Variants in FADS2 observed in about 807,000 individuals in gnomAD.
FADS2 encodes fatty acid desaturase 2.
A neutral mutation model predicts 61.2 loss-of-function variants in FADS2; 18 were observed. The ratio of observed to expected loss-of-function variants is 0.29; its 90% CI spans 0.20 to 0.44. FADS2 has a LOEUF of 0.44. Ranked by LOEUF, FADS2 falls within the 20% of genes least tolerant of loss-of-function variation. FADS2 has a pLI of 1.00. For missense variants in FADS2, 322 were observed against 572.7 expected, an observed-to-expected ratio of 0.56 and a Z score of 4.47; for synonymous variants, 203 against 223.9, an observed-to-expected ratio of 0.91 and a Z score of 0.83.
chr11:61,834,060 G>A (rs568680205), intron 1 of FADS2, among the ~76,000 whole-genome samples: 2 of 152,360 alleles, frequency 1.3e-5, no homozygotes, highest in South Asian at 2.1e-4. Flanking sequence ...ATCTAACAGG[G>A]CAATGACCCA....
At chr11:61,826,175 G>A (rs1320451072), upstream of FADS2, 2 of 702,604 alleles carry the variant, frequency 2.8e-6, no homozygotes, top group South Asian at 3.0e-5. Flanking sequence ...TGAGGCTGCT[G>A]GGGCTTTTCT....
chr11:61,855,525 G>T (rs1319074561), intron 5 of FADS2: 1 of 152,286 alleles, frequency 6.6e-6, no homozygotes, highest in Non-Finnish European at 1.5e-5. Flanking sequence ...CTTAATAATA[G>T]TCTTCCTGCA....
intron 1 of FADS2, among the ~76,000 whole-genome samples, chr11:61,836,432 C>T (rs2067175954): frequency 6.6e-6 from 1 of 150,748 alleles, no homozygotes; most frequent in African/African-American, 2.4e-5. Flanking sequence ...CACTCTCTTG[C>T]CCAGGCTGGA....
chr11:61,858,232 C>A (rs556036770), intron 7 of FADS2, among the ~76,000 whole-genome samples: 2 of 138,560 alleles, frequency 1.4e-5, no homozygotes, highest in African/African-American at 5.0e-5. Context: ...GGCTGGAGTG[C>A]AGTGGTGTGA....
At chr11:61,820,920 A>T (rs1257458118) in intron 1 of FADS2, among the ~76,000 whole-genome samples, 4 of 152,102 alleles carry the variant, frequency 2.6e-5, no homozygotes, top group Non-Finnish European at 4.4e-5. Context: ...AATAAATAAA[A>T]AATTTGCTGA....
intron 7 of FADS2, among the ~76,000 whole-genome samples, chr11:61,859,293 G>A (rs1050745168): frequency 2.6e-5 from 4 of 152,136 alleles, no homozygotes; most frequent in African/African-American, 9.7e-5. Context: ...CCAACCTGAG[G>A]TGATCTGCCC....
At chr11:61,819,798 G>A (rs898684223) in intron 1 of FADS2, among the ~76,000 whole-genome samples, 4 of 152,058 alleles carry the variant, frequency 2.6e-5, no homozygotes, top group African/African-American at 9.7e-5. Flanking sequence ...CATGTGCCAT[G>A]TTGGTGTGCT....
chr11:61,838,927 C>T (rs1441229174), intron 2 of FADS2, among the ~76,000 whole-genome samples: 1 of 152,146 alleles, frequency 6.6e-6, no homozygotes, highest in Admixed American at 6.5e-5. Context: ...CTCCACTGCT[C>T]TCCCTTTCTG....
upstream of FADS2, chr11:61,826,394 C>T (rs1371411770): frequency 2.8e-6 from 2 of 702,270 alleles, no homozygotes; most frequent in African/African-American, 1.7e-5. Context: ...CCTTTTAGGG[C>T]CTGAACCTTC....
Position 61,816,480 on chromosome 11 carries a change from A to C in FADS2, c.141+54A>C, listed in dbSNP as rs1165567106. On this transcript the variant is annotated intron_variant, in intron 1 of 11. Coordinates refer to the FADS2 transcript ENST00000257261. The surrounding 1 kb of genome is among the most constrained non-coding windows in gnomAD (Gnocchi z 7.0). ...CCGAATTAGTCGGTGTTTGGCTCGG[A>C]GTGCGTAACTCTGTCTCCCCTGCAC... 2 of 1,601,302 alleles carry C rather than the reference A, an allele frequency of 1.2e-6. No homozygotes were observed. The highest frequency in any genetic ancestry group is 1.7e-6 in the Non-Finnish European group (2 of 1,179,004).
intron 4 of FADS2, among the ~76,000 whole-genome samples, chr11:61,845,405 A>G (rs2067248853): frequency 6.6e-6 from 1 of 152,184 alleles, no homozygotes; most frequent in Admixed American, 6.5e-5. Flanking sequence ...TTCTGGGAAC[A>G]CGGAGCTGGC....
chr11:61,852,778 C>G (rs145797394), intron 5 of FADS2, among the ~76,000 whole-genome samples: 1 of 152,064 alleles, frequency 6.6e-6, no homozygotes, highest in African/African-American at 2.4e-5. Context: ...TGTCCACTTA[C>G]GTCTCTTCGT....
chr11:61,842,521 A>G (rs183650205), intron 4 of FADS2, among the ~76,000 whole-genome samples: 7 of 152,308 alleles, frequency 4.6e-5, no homozygotes, highest in African/African-American at 1.2e-4. Context: ...AATTGCCCTC[A>G]GTCTTTGAGG....
chr11:61,846,546 G>A (rs2067261780), intron 4 of FADS2: 1 of 151,998 alleles, frequency 6.6e-6, no homozygotes, highest in South Asian at 2.1e-4. Context: ...CATAGACTGT[G>A]TGTGCCAAAA....
At chr11:61,846,370 GC>G (rs1243259111) in intron 4 of FADS2, among the ~76,000 whole-genome samples, 1 of 151,246 alleles carries the variant, frequency 6.6e-6, no homozygotes, top group African/African-American at 2.4e-5. Context: ...ACACGCTTCA[GC>G]CTCCCAAAGT....
chr11:61,825,626 A>G (rs2067078338), upstream of FADS2, among the ~76,000 whole-genome samples: 1 of 150,398 alleles, frequency 6.6e-6, no homozygotes, highest in African/African-American at 2.5e-5. Flanking sequence ...TCAAAAAAAA[A>G]AAAAAAAGAA....
At chr11:61,863,487 C>T in intron 9 of FADS2, 109 bp downstream of exon 9, 1 of 908,214 alleles carries the variant, frequency 1.1e-6, no homozygotes, top group Non-Finnish European at 1.8e-6. Context: ...CCGGGGCTGC[C>T]TGTGTCCTTT....
At chr11:61,853,007 T>C (rs2067320586) in intron 5 of FADS2, among the ~76,000 whole-genome samples, 1 of 151,964 alleles carries the variant, frequency 6.6e-6, no homozygotes, top group South Asian at 2.1e-4. Context: ...TACAAAAAAT[T>C]AGCTGGGCAT....
At chr11:61,863,259 C>A (rs746703791) in intron 8 of FADS2, 23 bp from the exon 9 acceptor site, 5 of 1,596,738 alleles carry the variant, frequency 3.1e-6, no homozygotes, top group East Asian at 4.5e-5. Flanking sequence ...GAGGCCCCTG[C>A]GCTGAGCTGT....
Sources: gnomAD v4.1 joint callset for allele counts (sites outside exome capture counted in the v4.1 genomes callset) on GRCh38, gnomAD v4.1.1 for gene constraint, Gnocchi (gnomAD v3.1) non-coding constraint, MANE v1.5 for transcripts, NCBI Gene and HGNC (gene_info 2026-07-23, HGNC 2026-07-21) for gene names.